The following AARSD1 variants were observed in gnomAD, a reference collection of about 807,000 sequenced individuals.
AARSD1 encodes alanyl-tRNA editing protein Aarsd1.
In AARSD1, 44 loss-of-function variants were observed where a neutral mutation model predicts 48.7. The observed-to-expected ratio is 0.90, with a 90% CI of 0.71 to 1.16. The LOEUF (loss-of-function observed/expected upper bound fraction) is 1.16. Ranked by LOEUF, AARSD1 falls within the 50% of genes most tolerant of loss-of-function variation. The pLI is 0.00. For synonymous variants in AARSD1, 189 were observed against 194.9 expected, an observed-to-expected ratio of 0.97 and a Z score of 0.25; for missense variants, 511 against 523.1, an observed-to-expected ratio of 0.98 and a Z score of 0.23.
At chr17:42,958,498 A>G (rs2049588060) in intron 3 of AARSD1, among the ~76,000 whole-genome samples, 1 of 151,924 alleles carries the variant, frequency 6.6e-6, no homozygotes, top group Non-Finnish European at 1.5e-5. Context: ...TCTCAAAAAA[A>G]AATAAAAATA....
intron 2 of AARSD1, among the ~76,000 whole-genome samples, chr17:42,962,867 CAAAAAAGCAGCCA>C (rs1375078094): frequency 6.6e-6 from 1 of 152,040 alleles, no homozygotes. Context: ...CTCATCTCTA[CAAAAAAGCAGCCA>C]AGCATGTTGG....
chr17:42,956,418 G>A lies in AARSD1; in HGVS notation c.532C>T (p.Pro178Ser), dbSNP rs776471618. The change falls in exon 5 of 12, where the codon CCT (proline) becomes TCT (serine). Residue 178 changes from proline (P) to serine (S), a missense_variant. Pro to Ser is a moderately conservative substitution (Grantham distance 74). Coordinates refer to ENST00000427569, the MANE Select transcript of AARSD1 (RefSeq NM_001261434.2). ...TCTACCCTTACCTGCTCCACCTCAGGATCATCCAGGCTCAGTTCTCGGACA... is the reference window on the plus strand; with the variant it reads ...TCTACCCTTACCTGCTCCACCTCAGAATCATCCAGGCTCAGTTCTCGGACA... ...VNVRELSLDD[P>S]EVEQVSGRGL... 6 of 1,613,998 alleles carry A rather than the reference G, an allele frequency of 3.7e-6. No homozygotes were observed. The South Asian group carries it at 5.5e-5, about 15-fold the overall frequency.
Position 42,964,098 on chromosome 17 carries a change from T to G in AARSD1, c.171+8A>C. 1.2e-6 allele frequency: 2 copies of G among 1,614,088 alleles called. No homozygotes were observed. The highest frequency in any genetic ancestry group is 2.7e-5 in the African/African-American group (2 of 75,030). ...TGGGGGCTTCCTGGGAAGAGATCGT[T>G]TTGGTACCTGTCCCCCGCCCTCAGG... On this transcript the variant is annotated splice_region_variant and intron_variant, in intron 2 of 11. Coordinates refer to ENST00000427569, the MANE Select transcript of AARSD1 (RefSeq NM_001261434.2).
intron 3 of AARSD1, among the ~76,000 whole-genome samples, chr17:42,960,112 T>C (rs1212132139): frequency 6.6e-6 from 1 of 151,136 alleles, no homozygotes; most frequent in East Asian, 2.0e-4. Context: ...CTACTAAAAA[T>C]ACAAAAATTA....
rs1396500155 is a variant in AARSD1 at position 42,956,291 on chromosome 17, A to C, written c.576T>G (p.His192Gln). The change falls in exon 6 of 12, where the codon CAT becomes CAG. Residue 192 changes from histidine (H) to glutamine (Q), a missense_variant. Physicochemically the swap from His to Gln is conservative, Grantham distance 24 (BLOSUM62 0). Coordinates refer to ENST00000427569, the MANE Select transcript of AARSD1 (RefSeq NM_001261434.2). ...QVSGRGLPDD[H>Q]AGPIRVVNIE... ...TGTTAACAACCCGAATGGGCCCAGC[A>C]TGATCATCAGGCAAACCCCGGCCAC... is the stretch of plus-strand genomic sequence containing the variant. The C allele has an allele frequency of 1.2e-6, 2 of 1,614,136 alleles. No homozygotes were observed. The highest frequency in any genetic ancestry group is 1.3e-5 in the African/African-American group (1 of 75,020).
In AARSD1 at chr17:42,952,584, T is replaced by A. The variant is rs149814580; in HGVS notation, c.1009-690A>T. Among the ~76,000 whole-genome samples, 446 of 152,182 alleles carry A rather than the reference T, an allele frequency of 2.9e-3. 2 individuals carry two copies. Among genetic ancestry groups the A allele is most frequent in the African/African-American group, 0.01 (425 of 41,538 alleles). The stretch of plus-strand genomic sequence containing the variant: ...ACTCAGGAGGCTGACGTGGGAGGAC[T>A]GCTTGAGCCCAGGAGTTCAAGACTG... On this transcript the variant is annotated intron_variant, in intron 10 of 11. Coordinates refer to ENST00000427569, the MANE Select transcript of AARSD1 (RefSeq NM_001261434.2).
chr17:42,955,036 A>T, intron 8 of AARSD1, 69 bp from the exon 9 acceptor site: 1 of 1,609,974 alleles, frequency 6.2e-7, no homozygotes. Flanking sequence ...GCTTCCCTCC[A>T]CCTCATTCTC....
At position 42,954,878 on chromosome 17, in the gene AARSD1, G is replaced by A; in HGVS notation, c.951C>T (p.His317=). 1.2e-6 allele frequency: 2 copies of A among 1,613,972 alleles called. No homozygotes were observed. The highest frequency in any genetic ancestry group is 1.7e-6 in the Non-Finnish European group (2 of 1,179,936). ...GTGTCCAGCTCCTAATTTCTCACCTGTGTAATATGACCACACCTCCCCAGT... is the reference window on the plus strand; with the variant it reads ...GTGTCCAGCTCCTAATTTCTCACCTATGTAATATGACCACACCTCCCCAGT... The part of the protein sequence containing the change: ...SPDWGGVVIL[H]RKEGDSEFMN... Residue 317 remains histidine, a splice_region_variant and synonymous_variant, in exon 9 of 12, where the codon CAC becomes CAT. Transcript: ENST00000427569.
intron 3 of AARSD1, among the ~76,000 whole-genome samples, chr17:42,958,179 A>G (rs2049584008): frequency 6.6e-6 from 1 of 152,188 alleles, no homozygotes; most frequent in South Asian, 2.1e-4. Flanking sequence ...AGCTTTAAGC[A>G]GAGGAGTGAC....
intron 3 of AARSD1, among the ~76,000 whole-genome samples, chr17:42,959,519 C>T (rs899947015): frequency 1.2e-4 from 18 of 151,812 alleles, no homozygotes; most frequent in Admixed American, 1.2e-3. Flanking sequence ...TGAGCCATCG[C>T]GAGCAGCCTA....
chr17:42,963,614 T>A (rs960364703), intron 2 of AARSD1, among the ~76,000 whole-genome samples: 3 of 152,100 alleles, frequency 2.0e-5, no homozygotes, highest in Middle Eastern at 3.4e-3. Context: ...CAGGAACATC[T>A]TTTTCAGTCC....
At chr17:42,955,247 G>A (rs750463685) in intron 7 of AARSD1, 23 bp from the exon 8 acceptor site, 2 of 1,612,886 alleles carry the variant, frequency 1.2e-6, no homozygotes, top group Non-Finnish European at 1.7e-6. Flanking sequence ...GGTCAGAGGA[G>A]ACCTGCGCAG....
At chr17:42,950,791 A>G in intron 11 of AARSD1, 63 bp from the exon 12 acceptor site, 2 of 1,556,764 alleles carry the variant, frequency 1.3e-6, no homozygotes, top group Non-Finnish European at 1.7e-6. Context: ...AAACAAGGGC[A>G]GCTCTGAGTC....
At chr17:42,963,487 T>G (rs957705849) in intron 2 of AARSD1, among the ~76,000 whole-genome samples, 1 of 152,038 alleles carries the variant, frequency 6.6e-6, no homozygotes, top group African/African-American at 2.4e-5. Flanking sequence ...TATCCTCCTC[T>G]TCCATCTTCA....
intron 3 of AARSD1, 21 bp from the exon 4 acceptor site, chr17:42,957,216 A>G: frequency 6.2e-7 from 1 of 1,613,048 alleles, no homozygotes; most frequent in Non-Finnish European, 8.5e-7. Context: ...AGAGCCAGAG[A>G]CAGGAGAAAA....
rs1567719326 is a variant in AARSD1 at position 42,964,445 on chromosome 17, G to A, written c.-5C>T. On this transcript the variant is annotated 5_prime_UTR_variant, in exon 1 of 12. Coordinates refer to ENST00000427569, the MANE Select transcript of AARSD1 (RefSeq NM_001261434.2). ...ACGCTGACACCAGAACGCCATACCT[G>A]CAGGCGTGTGAGGAGGCGCACGCGC... 1.3e-6 allele frequency: 2 copies of A among 1,550,592 alleles called. No individual in the cohort carries two copies. Among genetic ancestry groups the A allele is most frequent in the Admixed American group, 2.0e-5 (1 of 50,986 alleles).
chr17:42,955,113 C>G, intron 8 of AARSD1, 45 bp downstream of exon 8: 1 of 1,613,664 alleles, frequency 6.2e-7, no homozygotes, highest in South Asian at 1.1e-5. Flanking sequence ...AGAGCCTATC[C>G]TAGGCAGGGC....
intron 6 of AARSD1, 83 bp from the exon 7 acceptor site, chr17:42,956,055 G>A: frequency 6.2e-7 from 1 of 1,609,972 alleles, no homozygotes; most frequent in South Asian, 1.1e-5. Flanking sequence ...GAAGGCAGGA[G>A]AAACCTATCT....
intron 2 of AARSD1, among the ~76,000 whole-genome samples, chr17:42,963,829 C>T (rs758345013): frequency 6.6e-6 from 1 of 152,130 alleles, no homozygotes; most frequent in African/African-American, 2.4e-5. Context: ...TTGTTTATTA[C>T]TTATTATACC....
Sources: gnomAD v4.1 joint callset for allele counts (sites outside exome capture counted in the v4.1 genomes callset) on GRCh38, gnomAD v4.1.1 for gene constraint, MANE v1.5 for transcripts, NCBI Gene and HGNC (gene_info 2026-07-23, HGNC 2026-07-21) for gene names.